The following MACROD2 variants were observed in gnomAD, a reference collection of about 807,000 sequenced individuals.
MACROD2 encodes mono-ADP ribosylhydrolase 2.
In MACROD2, 36 loss-of-function variants were observed where a neutral mutation model predicts 70.4. The ratio of observed to expected loss-of-function variants is 0.51; its 90% CI spans 0.39 to 0.68. MACROD2 has a LOEUF of 0.68. Ranked by LOEUF, MACROD2 falls within the 30% of genes least tolerant of loss-of-function variation. The probability of loss-of-function intolerance (pLI) is 0.00; values close to 1 mark genes in which losing one functional copy is unlikely to be tolerated. For synonymous variants in MACROD2, 172 were observed against 178.8 expected, an observed-to-expected ratio of 0.96 and a Z score of 0.30; for missense variants, 496 against 538.4, an observed-to-expected ratio of 0.92 and a Z score of 0.78.
intron 3 of MACROD2, among the ~76,000 whole-genome samples, chr20:14,460,379 C>T (rs1378166352): frequency 6.6e-6 from 1 of 152,062 alleles, no homozygotes; most frequent in Non-Finnish European, 1.5e-5. Flanking sequence ...ACATCCTCTC[C>T]AGCATCTGTT....
intron 8 of MACROD2, among the ~76,000 whole-genome samples, chr20:15,708,308 G>T (rs1454153343): frequency 6.6e-6 from 1 of 152,072 alleles, no homozygotes; most frequent in Non-Finnish European, 1.5e-5. Flanking sequence ...GGAAAATAAG[G>T]ACTATGGAAG....
At chr20:14,603,468 T>C (rs1568693756) in intron 4 of MACROD2, among the ~76,000 whole-genome samples, 1 of 152,236 alleles carries the variant, frequency 6.6e-6, no homozygotes, top group Non-Finnish European at 1.5e-5. Context: ...TGTATGCTCA[T>C]GTATAGAGAT....
intron 5 of MACROD2, among the ~76,000 whole-genome samples, chr20:15,117,771 A>G (rs2076001613): frequency 6.6e-6 from 1 of 152,162 alleles, no homozygotes; most frequent in African/African-American, 2.4e-5. Context: ...AAAGTTTGCC[A>G]TTATCTTTCC....
At chr20:15,077,719 T>C (rs2075669045) in intron 5 of MACROD2, among the ~76,000 whole-genome samples, 1 of 152,188 alleles carries the variant, frequency 6.6e-6, no homozygotes, top group African/African-American at 2.4e-5. Flanking sequence ...TTTATGGATC[T>C]TGCCTACATT....
rs908989680 is a variant in MACROD2, at chr20:15,924,224, T to G, written c.776-9052T>G. On this transcript the variant is annotated intron_variant, in intron 10 of 17. Coordinates refer to ENST00000684519, the MANE Select transcript of MACROD2 (RefSeq NM_001351661.2). Reference sequence around the variant, plus strand: ...GAAAGTGGTAGAAACACAGAATTGGTTTTTGCTTCCCATGATAATATGGGG... The same window carrying G: ...GAAAGTGGTAGAAACACAGAATTGGGTTTTGCTTCCCATGATAATATGGGG... Among the ~76,000 whole-genome samples, 6 of 152,194 alleles carry G rather than the reference T, an allele frequency of 3.9e-5. No homozygotes were observed. In the East Asian group the frequency reaches 1.2e-3, roughly 29 times the overall value.
intron 8 of MACROD2, among the ~76,000 whole-genome samples, chr20:15,656,587 G>A (rs2146806913): frequency 6.6e-6 from 1 of 152,220 alleles, no homozygotes; most frequent in Admixed American, 6.5e-5. Flanking sequence ...GGAACTGCAG[G>A]CCCTTTTAAT....
intron 5 of MACROD2, among the ~76,000 whole-genome samples, chr20:14,985,803 C>A (rs2074843471): frequency 6.7e-6 from 1 of 149,004 alleles, no homozygotes; most frequent in South Asian, 2.1e-4. Context: ...GATATGGGGC[C>A]AGGGTCGGGG....
chr20:14,288,078 G>T (rs1260944963), intron 3 of MACROD2, among the ~76,000 whole-genome samples: 1 of 151,934 alleles, frequency 6.6e-6, no homozygotes, highest in Non-Finnish European at 1.5e-5. Context: ...GTGACCACAG[G>T]GAGGTAGGAA....
At chr20:15,991,726 G>A (rs963810600) in intron 15 of MACROD2, among the ~76,000 whole-genome samples, 4 of 152,078 alleles carry the variant, frequency 2.6e-5, no homozygotes, top group African/African-American at 9.7e-5. Context: ...CATATTAGCA[G>A]CACAATCATT....
chr20:15,158,537 TC>T (rs2076325130), intron 5 of MACROD2, among the ~76,000 whole-genome samples: 1 of 152,152 alleles, frequency 6.6e-6, no homozygotes, highest in South Asian at 2.1e-4. Context: ...CAAGTACAAA[TC>T]TTTTAACTCT....
intron 8 of MACROD2, among the ~76,000 whole-genome samples, chr20:15,635,913 C>T (rs1047950577): frequency 6.6e-6 from 1 of 151,342 alleles, no homozygotes; most frequent in Non-Finnish European, 1.5e-5. Flanking sequence ...TCTAAAAATA[C>T]AAAAATTAGC....
At position 14,592,206 on chromosome 20, in the gene MACROD2, A is replaced by T. The variant is rs190186197; in HGVS notation, c.302-92637A>T. Among the ~76,000 whole-genome samples the T allele has an allele frequency of 8.3e-4, 126 of 152,342 alleles. 1 individual carries two copies. The highest frequency in any genetic ancestry group is 1.9e-3 in the Admixed American group (29 of 15,302). On this transcript the variant is annotated intron_variant, in intron 4 of 17. Coordinates refer to ENST00000684519, the MANE Select transcript of MACROD2 (RefSeq NM_001351661.2). Reference sequence around the variant, plus strand: ...TATGGTTAATAGAAGGCAGTCATGAAGGATTTTTGAATGAGAAGGTTACAT... The same window carrying T: ...TATGGTTAATAGAAGGCAGTCATGATGGATTTTTGAATGAGAAGGTTACAT...
intron 4 of MACROD2, among the ~76,000 whole-genome samples, chr20:14,677,920 A>G (rs1174194252): frequency 6.6e-6 from 1 of 152,202 alleles, no homozygotes; most frequent in Non-Finnish European, 1.5e-5. Context: ...AGTTTAAAAA[A>G]AACAGTGATC....
intron 3 of MACROD2, among the ~76,000 whole-genome samples, chr20:14,438,822 G>C (rs904143881): frequency 6.6e-6 from 1 of 152,132 alleles, no homozygotes; most frequent in Admixed American, 6.5e-5. Context: ...CCCGTTATCT[G>C]TTGCAGGGTT....
At chr20:14,648,862 C>T (rs987024590) in intron 4 of MACROD2, among the ~76,000 whole-genome samples, 1 of 152,128 alleles carries the variant, frequency 6.6e-6, no homozygotes, top group Non-Finnish European at 1.5e-5. Context: ...ATAATCTTCA[C>T]CTATGCCAGT....
intron 6 of MACROD2, among the ~76,000 whole-genome samples, chr20:15,277,208 G>A (rs111936586): frequency 0.021 from 3,244 of 152,176 alleles, 111 homozygotes; most frequent in African/African-American, 0.073. Flanking sequence ...AATATCTACT[G>A]GTAGAAGACA....
chr20:15,546,712 G>T (rs915471740), intron 8 of MACROD2, among the ~76,000 whole-genome samples: 9 of 152,120 alleles, frequency 5.9e-5, no homozygotes, highest in African/African-American at 2.2e-4. Context: ...TCCTTTTGAT[G>T]CCAGCTCTTT....
chr20:15,113,763 A>AGTGTATGTGTGTGTGT, intron 5 of MACROD2, among the ~76,000 whole-genome samples: 1 of 144,240 alleles, frequency 6.9e-6, no homozygotes, highest in South Asian at 2.4e-4. Flanking sequence ...GTAGTCTTGA[A>AGTGTATGTGTGTGTGT]GTGTGTGTGT....
chr20:14,509,362 TTAAC>T (rs2085004376), intron 4 of MACROD2, among the ~76,000 whole-genome samples: 1 of 152,092 alleles, frequency 6.6e-6, no homozygotes, highest in African/African-American at 2.4e-5. Flanking sequence ...ATATATTTGA[TTAAC>T]TAATTGCATA....
Sources: allele counts gnomAD v4.1 joint callset (sites outside exome capture counted in the v4.1 genomes callset), GRCh38; gene constraint gnomAD v4.1.1; transcripts MANE v1.5; gene names NCBI Gene and HGNC (gene_info 2026-07-23, HGNC 2026-07-21).